Variants in NAALADL2 observed in about 807,000 individuals in gnomAD.
NAALADL2 encodes N-acetylated alpha-linked acidic dipeptidase like 2.
NAALADL2 carries 76 observed loss-of-function variants against 87.2 expected under a neutral mutation model. The observed-to-expected ratio is 0.87, with a 90% CI of 0.72 to 1.05. The LOEUF (loss-of-function observed/expected upper bound fraction) is 1.05. Among genes scored for constraint, NAALADL2 ranks in the 50% least tolerant of loss-of-function variants. The pLI, the probability that NAALADL2 is intolerant of heterozygous loss-of-function variation, is 0.00. For synonymous variants in NAALADL2, 354 were observed against 331.0 expected, an observed-to-expected ratio of 1.07 and a Z score of -0.75; for missense variants, 1,089 against 945.8, an observed-to-expected ratio of 1.15 and a Z score of -1.99.
chr3:175,620,684 C>T (rs1175471314), intron 10 of NAALADL2, among the ~76,000 whole-genome samples: 4 of 152,168 alleles, frequency 2.6e-5, no homozygotes, highest in Admixed American at 2.6e-4. Context: ...CGAACAGGGG[C>T]ATGTCACAGC....
intron 1 of NAALADL2, among the ~76,000 whole-genome samples, chr3:174,513,084 C>G (rs1224471860): frequency 6.6e-6 from 1 of 151,966 alleles, no homozygotes; most frequent in South Asian, 2.1e-4. Flanking sequence ...GCTTCAGCCT[C>G]CTGAGTAGCT....
At chr3:175,107,588 T>C (rs1411787770) in intron 2 of NAALADL2, among the ~76,000 whole-genome samples, 1 of 151,906 alleles carries the variant, frequency 6.6e-6, no homozygotes, top group African/African-American at 2.4e-5. Flanking sequence ...CCCTGTTTTA[T>C]ACATACAGAT....
chr3:174,979,121 A>T (rs1371669200), intron 1 of NAALADL2, among the ~76,000 whole-genome samples: 2 of 152,044 alleles, frequency 1.3e-5, no homozygotes, highest in Non-Finnish European at 2.9e-5. Flanking sequence ...AGAATTTCTT[A>T]GTAAATTGGT....
At chr3:175,610,785 TATA>T (rs985242742) in intron 10 of NAALADL2, among the ~76,000 whole-genome samples, 1 of 152,038 alleles carries the variant, frequency 6.6e-6, no homozygotes, top group Non-Finnish European at 1.5e-5. Context: ...GATCCACTAA[TATA>T]ATAATAATAA....
At chr3:175,503,533 T>A (rs913089758) in intron 9 of NAALADL2, among the ~76,000 whole-genome samples, 1 of 152,200 alleles carries the variant, frequency 6.6e-6, no homozygotes, top group African/African-American at 2.4e-5. Flanking sequence ...CTGAACTAAT[T>A]TACATTGCCA....
chr3:175,389,049 A>G (rs1560475020), intron 5 of NAALADL2, among the ~76,000 whole-genome samples: 1 of 152,096 alleles, frequency 6.6e-6, no homozygotes, highest in Non-Finnish European at 1.5e-5. Context: ...CCATAAACAC[A>G]CTCAATAAAA....
chr3:175,465,969 T>G (rs1723956132), intron 7 of NAALADL2, among the ~76,000 whole-genome samples: 2 of 152,230 alleles, frequency 1.3e-5, no homozygotes, highest in Non-Finnish European at 2.9e-5. Context: ...CAGTAACTCC[T>G]AAAACTCAGA....
chr3:174,801,248 G>T (rs1330877276), intron 3 of NAALADL2, among the ~76,000 whole-genome samples: 1 of 152,142 alleles, frequency 6.6e-6, no homozygotes, highest in Non-Finnish European at 1.5e-5. Flanking sequence ...GGGACCCAGT[G>T]GGAGGTAATT....
intron 2 of NAALADL2, among the ~76,000 whole-genome samples, chr3:175,231,634 G>A (rs1023347918): frequency 1.3e-5 from 2 of 152,030 alleles, no homozygotes; most frequent in African/African-American, 4.8e-5. Flanking sequence ...AAAAGGAATG[G>A]CAGATTAAAC....
chr3:175,684,455 A>G (rs909787438), intron 11 of NAALADL2, among the ~76,000 whole-genome samples: 4 of 152,194 alleles, frequency 2.6e-5, no homozygotes, highest in Non-Finnish European at 4.4e-5. Context: ...GTTATTTTCT[A>G]AATCCCAAAC....
At chr3:175,001,861 AAC>A (rs1748279377) in intron 1 of NAALADL2, among the ~76,000 whole-genome samples, 1 of 152,198 alleles carries the variant, frequency 6.6e-6, no homozygotes, top group African/African-American at 2.4e-5. Context: ...TGGAAAATTA[AAC>A]ACCTGCCCTC....
chr3:175,264,700 A>G (rs1188994704), intron 4 of NAALADL2, among the ~76,000 whole-genome samples: 2 of 151,758 alleles, frequency 1.3e-5, no homozygotes, highest in Non-Finnish European at 3.0e-5. Context: ...ATGGAGAAAT[A>G]TAAATAATGT....
At chr3:175,476,757 G>A (rs529128270) in intron 9 of NAALADL2, among the ~76,000 whole-genome samples, 12 of 151,858 alleles carry the variant, frequency 7.9e-5, no homozygotes, top group Non-Finnish European at 1.8e-4. Flanking sequence ...CCACTGTATT[G>A]TTTTACCTTC....
chr3:175,622,969 T>C (rs1726436937), intron 10 of NAALADL2, among the ~76,000 whole-genome samples: 1 of 151,964 alleles, frequency 6.6e-6, no homozygotes, highest in South Asian at 2.1e-4. Context: ...AAAAAGGTGA[T>C]AAGAAGATGT....
chr3:175,572,690 AC>A (rs1718268465), intron 9 of NAALADL2, among the ~76,000 whole-genome samples: 1 of 152,214 alleles, frequency 6.6e-6, no homozygotes, highest in Non-Finnish European at 1.5e-5. Flanking sequence ...GAACAGAGAG[AC>A]TAGAAGAGAA....
At chr3:174,926,874 A>G (rs182438058) in intron 1 of NAALADL2, among the ~76,000 whole-genome samples, 95 of 152,306 alleles carry the variant, frequency 6.2e-4, no homozygotes, top group African/African-American at 2.3e-3. Context: ...TTAAATGTAA[A>G]TGGGCTAAAT....
chr3:174,916,076 T>C (rs1188903468), intron 1 of NAALADL2, among the ~76,000 whole-genome samples: 1 of 152,136 alleles, frequency 6.6e-6, no homozygotes, highest in Non-Finnish European at 1.5e-5. Flanking sequence ...AATATACCTT[T>C]CTTAAAAGAA....
chr3:174,609,890 A>G (rs1217952598), intron 2 of NAALADL2, among the ~76,000 whole-genome samples: 1 of 152,174 alleles, frequency 6.6e-6, no homozygotes, highest in East Asian at 1.9e-4. Context: ...AGCTGGAGGC[A>G]TCATGCTACC....
intron 2 of NAALADL2, 44 bp from the exon 3 acceptor site, chr3:175,233,882 ATAAAG>A (rs1285431559): frequency 1.1e-5 from 12 of 1,088,620 alleles, no homozygotes; most frequent in South Asian, 7.7e-5. Flanking sequence ...TCTCAAAAGA[ATAAAG>A]TATTCTCCTT....
Sources: allele counts gnomAD v4.1 joint callset (sites outside exome capture counted in the v4.1 genomes callset), GRCh38; gene constraint gnomAD v4.1.1; transcripts MANE v1.5; gene names NCBI Gene and HGNC (gene_info 2026-07-23, HGNC 2026-07-21).